Variants in LPGAT1 observed in about 807,000 individuals in gnomAD.
The protein encoded by LPGAT1 is lysophosphatidylglycerol acyltransferase 1.
A neutral mutation model predicts 47.5 loss-of-function variants in LPGAT1; 11 were observed. That is an observed-to-expected ratio of 0.23 (90% CI 0.15 to 0.38). The LOEUF (loss-of-function observed/expected upper bound fraction) is 0.38. Ranked by LOEUF, LPGAT1 falls within the 10% of genes least tolerant of loss-of-function variation. LPGAT1 has a pLI of 1.00. For missense variants in LPGAT1, 293 were observed against 439.0 expected (o/e 0.67, Z 2.97); for synonymous variants, 138 against 144.2 (o/e 0.96, Z 0.31).
chr1:211,807,558 C>G (rs1266392755), intron 2 of LPGAT1, among the ~76,000 whole-genome samples: 4 of 152,028 alleles, frequency 2.6e-5, no homozygotes, highest in Non-Finnish European at 5.9e-5. Flanking sequence ...AAGGGACAGA[C>G]ACATAAATCA....
At chr1:211,812,850 GA>G (rs1251588965) in intron 2 of LPGAT1, among the ~76,000 whole-genome samples, 2 of 152,176 alleles carry the variant, frequency 1.3e-5, no homozygotes, top group African/African-American at 4.8e-5. Flanking sequence ...AGAACCTCTG[GA>G]GGGATCTTGG....
rs557667561 is a variant in LPGAT1 at position 211,825,813 on chromosome 1, A to G, written c.238+3246T>C. Reference sequence around the variant, plus strand: ...CATCTCTACTAAAAATACAAAAATTAGCTGGGTGTGGTGGCACACGCCTGT... The same window carrying G: ...CATCTCTACTAAAAATACAAAAATTGGCTGGGTGTGGTGGCACACGCCTGT... On this transcript the variant is annotated intron_variant, in intron 2 of 7. Coordinates refer to ENST00000366997, the MANE Select transcript of LPGAT1 (RefSeq NM_014873.3). 5.6e-4 allele frequency among the ~76,000 whole-genome samples: 85 copies of G among 152,292 alleles called. No homozygotes were observed. In the East Asian group the frequency reaches 6.8e-3, roughly 12 times the overall value.
chr1:211,777,522 G>A (rs1347606467), intron 6 of LPGAT1, among the ~76,000 whole-genome samples: 3 of 151,964 alleles, frequency 2.0e-5, no homozygotes, highest in Non-Finnish European at 2.9e-5. Flanking sequence ...ACAGATACCT[G>A]TCATATTTAT....
chr1:211,828,592 T>C (rs964371340), intron 2 of LPGAT1, among the ~76,000 whole-genome samples: 1 of 152,222 alleles, frequency 6.6e-6, no homozygotes, highest in Non-Finnish European at 1.5e-5. Context: ...AAGCCATTTT[T>C]GCTTGCTCAA....
At chr1:211,806,023 G>T (rs1659743863) in intron 2 of LPGAT1, among the ~76,000 whole-genome samples, 2 of 152,176 alleles carry the variant, frequency 1.3e-5, no homozygotes, top group South Asian at 4.1e-4. Context: ...ACTTTGGGAA[G>T]CCAAGGTGGG....
At chr1:211,776,533 A>AG (rs1208744315) in intron 6 of LPGAT1, among the ~76,000 whole-genome samples, 3 of 152,220 alleles carry the variant, frequency 2.0e-5, no homozygotes, top group Non-Finnish European at 4.4e-5. Flanking sequence ...TCAAAAAAAA[A>AG]CAAACTAGCA....
At chr1:211,783,150 A>C (rs1558266499) in intron 5 of LPGAT1, 79 bp downstream of exon 5, 4 of 1,272,488 alleles carry the variant, frequency 3.1e-6, no homozygotes, top group Non-Finnish European at 4.2e-6. Flanking sequence ...TAAATATAAA[A>C]AAGAACAATG....
intron 2 of LPGAT1, among the ~76,000 whole-genome samples, chr1:211,821,897 A>G (rs1042424852): frequency 6.6e-6 from 1 of 152,236 alleles, no homozygotes; most frequent in Non-Finnish European, 1.5e-5. Flanking sequence ...ATATATAAAT[A>G]GAAAACATAA....
intron 6 of LPGAT1, among the ~76,000 whole-genome samples, chr1:211,771,968 A>G (rs1336457175): frequency 6.6e-6 from 1 of 152,082 alleles, no homozygotes; most frequent in African/African-American, 2.4e-5. Flanking sequence ...ACCCTGTTTC[A>G]CTATGTTGCC....
chr1:211,801,919 A>G (rs192089681), intron 2 of LPGAT1, among the ~76,000 whole-genome samples: 7 of 151,456 alleles, frequency 4.6e-5, no homozygotes, highest in Admixed American at 2.6e-4. Flanking sequence ...ATCTCTACTA[A>G]AAAAAAATTT....
At chr1:211,790,963 A>T (rs1450493398) in intron 3 of LPGAT1, among the ~76,000 whole-genome samples, 2 of 152,162 alleles carry the variant, frequency 1.3e-5, no homozygotes, top group Non-Finnish European at 2.9e-5. Flanking sequence ...CTAATTGGAG[A>T]TTCTCTTTTA....
chr1:211,806,052 A>T (rs763292908), intron 2 of LPGAT1, among the ~76,000 whole-genome samples: 2 of 152,044 alleles, frequency 1.3e-5, no homozygotes, highest in Non-Finnish European at 2.9e-5. Context: ...TTGAGGTCAT[A>T]AGTTCGAGAC....
At chr1:211,815,851 T>G (rs1317975414) in intron 2 of LPGAT1, among the ~76,000 whole-genome samples, 1 of 146,230 alleles carries the variant, frequency 6.8e-6, no homozygotes, top group Non-Finnish European at 1.5e-5. Flanking sequence ...CAATCTCGGC[T>G]CACTGCAAGT....
At chr1:211,791,024 A>T (rs948653066) in intron 3 of LPGAT1, among the ~76,000 whole-genome samples, 17 of 152,204 alleles carry the variant, frequency 1.1e-4, no homozygotes, top group Non-Finnish European at 2.2e-4. Flanking sequence ...ATGAACTTAG[A>T]GGACAGGCAA....
intron 2 of LPGAT1, among the ~76,000 whole-genome samples, chr1:211,801,606 G>A (rs1006326793): frequency 6.6e-6 from 1 of 151,882 alleles, no homozygotes; most frequent in Non-Finnish European, 1.5e-5. Flanking sequence ...TATTTGGGAG[G>A]CTGAGAAGGG....
intron 6 of LPGAT1, among the ~76,000 whole-genome samples, chr1:211,758,855 C>A (rs544869846): frequency 6.6e-6 from 1 of 152,216 alleles, no homozygotes; most frequent in Admixed American, 6.5e-5. Flanking sequence ...TCAGATTAGC[C>A]TTAATAGAAG....
At chr1:211,787,865 A>G in intron 3 of LPGAT1, 138 bp from the exon 4 acceptor site, 1 of 544,680 alleles carries the variant, frequency 1.8e-6, no homozygotes, top group Non-Finnish European at 3.2e-6. Flanking sequence ...CTCTATTTCT[A>G]CAAACAAAGC....
intron 4 of LPGAT1, among the ~76,000 whole-genome samples, chr1:211,784,363 A>G (rs1658761628): frequency 6.6e-6 from 1 of 151,946 alleles, no homozygotes. Context: ...GCGATGGCAC[A>G]TTTAGTGGTC....
chr1:211,750,817 G>A, intron 7 of LPGAT1, 144 bp downstream of exon 7: 1 of 616,640 alleles, frequency 1.6e-6, no homozygotes, highest in South Asian at 2.2e-5. Flanking sequence ...AGGGTAAGCT[G>A]ATTCATGAGG....
Sources: gnomAD v4.1 joint callset for allele counts (sites outside exome capture counted in the v4.1 genomes callset) on GRCh38, gnomAD v4.1.1 for gene constraint, MANE v1.5 for transcripts, NCBI Gene and HGNC (gene_info 2026-07-23, HGNC 2026-07-21) for gene names.